PAPSS2: variants seen among roughly 807,000 people sequenced by gnomAD.
The protein encoded by PAPSS2 is 3'-phosphoadenosine 5'-phosphosulfate synthase 2, also known as bifunctional 3'-phosphoadenosine 5'-phosphosulfate synthase 2.
PAPSS2 carries 61 observed loss-of-function variants against 66.5 expected under a neutral mutation model. That is an observed-to-expected ratio of 0.92 (90% CI 0.75 to 1.14). The LOEUF is 1.14. Among genes scored for constraint, PAPSS2 ranks in the 50% most tolerant of loss-of-function variants. The pLI is 0.00. For missense variants in PAPSS2, 708 were observed against 789.6 expected (o/e 0.90, Z 1.24); for synonymous variants, 289 against 287.5 (o/e 1.01, Z -0.05).
intron 1 of PAPSS2, among the ~76,000 whole-genome samples, chr10:87,671,285 TA>T (rs1364837368): frequency 6.6e-6 from 1 of 152,224 alleles, no homozygotes; most frequent in African/African-American, 2.4e-5. Context: ...CTTTGCAGAC[TA>T]AAAGGATGAT....
intron 7 of PAPSS2, among the ~76,000 whole-genome samples, chr10:87,718,572 A>G (rs1237167399): frequency 2.0e-5 from 3 of 152,192 alleles, no homozygotes; most frequent in African/African-American, 7.2e-5. Context: ...GGAGTCCCCA[A>G]GGGGTGCGTT....
chr10:87,723,384 A>T (rs1476768125), intron 8 of PAPSS2, among the ~76,000 whole-genome samples: 1 of 152,182 alleles, frequency 6.6e-6, no homozygotes, highest in African/African-American at 2.4e-5. Flanking sequence ...TGCCCCCTGC[A>T]GCAACCCATG....
Position 87,709,192 on chromosome 10 carries a change from A to G in PAPSS2, c.28-4A>G, listed in dbSNP as rs756013362. 6 of 1,592,302 alleles carry G rather than the reference A, an allele frequency of 3.8e-6. No homozygotes were observed. Among genetic ancestry groups the G allele is most frequent in the South Asian group, 1.1e-5 (1 of 90,674 alleles). ...ACTGTGCTTGGTTTTGTCTTATTTT[A>G]TAGGAGAACCAGCAGAAATCCACCA... On this transcript the variant is annotated splice_polypyrimidine_tract_variant and splice_region_variant and intron_variant, in intron 1 of 12. Transcript: ENST00000456849.
intron 1 of PAPSS2, chr10:87,661,124 T>G: frequency 2.4e-6 from 1 of 413,560 alleles, no homozygotes; most frequent in Non-Finnish European, 4.8e-6. Context: ...GTATTTGTGG[T>G]GGGCCGGGGA....
chr10:87,671,895 T>C (rs570008128), intron 1 of PAPSS2, among the ~76,000 whole-genome samples: 22 of 152,280 alleles, frequency 1.4e-4, no homozygotes, highest in Middle Eastern at 3.4e-3. Context: ...TTGAGCATCT[T>C]CTGATTGAAG....
intron 1 of PAPSS2, among the ~76,000 whole-genome samples, chr10:87,663,211 A>G (rs10749557): frequency 0.64 from 94,837 of 148,888 alleles, 30,532 homozygotes; most frequent in East Asian, 0.92. Flanking sequence ...TCCCGAGTTC[A>G]AGCAATTCTC....
intron 1 of PAPSS2, among the ~76,000 whole-genome samples, chr10:87,707,639 G>A (rs1853410049): frequency 7.2e-6 from 1 of 138,462 alleles, no homozygotes; most frequent in Non-Finnish European, 1.5e-5. Flanking sequence ...GTGCAATCAT[G>A]GCTCACTGCA....
In PAPSS2 at chr10:87,743,595, T is replaced by A. The variant is rs1401307805; in HGVS notation, c.1445T>A (p.Ile482Asn). ...EEGVLDPKST[I>N]VAIFPSPMLY... ...GGGGTCCTGGATCCCAAGTCAACCA[T>A]TGTTGCCATCTTTCCGTCTCCCATG... The change falls in exon 11 of 13, where the codon ATT becomes AAT. Residue 482 changes from isoleucine (I) to asparagine (N), a missense_variant. By Grantham distance (149) the Ile-to-Asn change is moderately radical. Coordinates refer to ENST00000456849, the MANE Select transcript of PAPSS2 (RefSeq NM_001015880.2). 1.2e-6 allele frequency: 2 copies of A among 1,613,984 alleles called. No individual in the cohort carries two copies. The highest frequency in any genetic ancestry group is 1.7e-6 in the Non-Finnish European group (2 of 1,179,996).
intron 1 of PAPSS2, among the ~76,000 whole-genome samples, chr10:87,680,026 CAAA>C (rs58787148): frequency 3.2e-5 from 4 of 126,680 alleles, no homozygotes; most frequent in Admixed American, 8.1e-5. Context: ...GAACCTATCT[CAAA>C]AAAAAAAAAA....
chr10:87,691,621 A>T (rs1853172519), intron 1 of PAPSS2, among the ~76,000 whole-genome samples: 2 of 152,176 alleles, frequency 1.3e-5, no homozygotes, highest in South Asian at 4.1e-4. Context: ...GTCTTAAATT[A>T]GGTAAGTTTG....
intron 1 of PAPSS2, among the ~76,000 whole-genome samples, chr10:87,689,021 A>C (rs923582587): frequency 1.3e-5 from 2 of 152,056 alleles, no homozygotes; most frequent in Non-Finnish European, 2.9e-5. Flanking sequence ...AACATTATTC[A>C]CAAAGTTAAG....
At chr10:87,697,477 G>C (rs1853248887) in intron 1 of PAPSS2, among the ~76,000 whole-genome samples, 1 of 152,214 alleles carries the variant, frequency 6.6e-6, no homozygotes, top group Non-Finnish European at 1.5e-5. Context: ...AGGAGAGGTG[G>C]CTCACCTGTG....
At position 87,659,905 on chromosome 10, in the gene PAPSS2, T is replaced by TGCCGCC. The variant is rs1554860724; in HGVS notation, c.-63_-58dup. On this transcript the variant is annotated 5_prime_UTR_variant, in exon 1 of 13. Coordinates refer to ENST00000456849, the MANE Select transcript of PAPSS2 (RefSeq NM_001015880.2). ...CCGCTGCTGCTGCTGCTGCTGCTGCTGCCGCCGCCGCCGCCGCCGTCCCTG... is the reference window on the plus strand; with the variant it reads ...CCGCTGCTGCTGCTGCTGCTGCTGCTGCCGCCGCCGCCGCCGCCGCCGCCGTCCCTG... 3.7e-5 allele frequency: 52 copies of TGCCGCC among 1,423,750 alleles called. No individual in the cohort carries two copies. Among genetic ancestry groups the TGCCGCC allele is most frequent in the Middle Eastern group, 1.8e-4 (1 of 5,650 alleles). 88.2% of individuals were successfully genotyped at this position (1,423,750 alleles called of 1,614,324 possible).
At chr10:87,740,234 T>G (rs1853850516) in intron 9 of PAPSS2, among the ~76,000 whole-genome samples, 1 of 152,206 alleles carries the variant, frequency 6.6e-6, no homozygotes, top group Non-Finnish European at 1.5e-5. Context: ...ACCATAAGCT[T>G]GGCAGATTCC....
chr10:87,674,278 C>T (rs1852917224), intron 1 of PAPSS2, among the ~76,000 whole-genome samples: 1 of 152,208 alleles, frequency 6.6e-6, no homozygotes, highest in Non-Finnish European at 1.5e-5. Context: ...GATTCTCCTG[C>T]CTCAGCTCTC....
intron 8 of PAPSS2, among the ~76,000 whole-genome samples, chr10:87,725,930 G>C (rs568758977): frequency 8.9e-6 from 1 of 112,660 alleles, no homozygotes; most frequent in African/African-American, 3.7e-5. Context: ...TTTTGGTAGA[G>C]ATGAGGTCTT....
Position 87,706,108 on chromosome 10 carries a change from A to ATATATATATATATGTGTGTGTGTG in PAPSS2, c.28-3087_28-3086insATATATATATATGTGTGTGTGTGT. On this transcript the variant is annotated intron_variant, in intron 1 of 12. Coordinates refer to ENST00000456849, the MANE Select transcript of PAPSS2 (RefSeq NM_001015880.2). Reference sequence around the variant, plus strand: ...GGTATATATATATATATATATATATATGTGTGTGTGTGTGTGTGTGTGTGT... The same window carrying ATATATATATATATGTGTGTGTGTG: ...GGTATATATATATATATATATATATATATATATATATATGTGTGTGTGTGTGTGTGTGTGTGTGTGTGTGTGTGT... Among the ~76,000 whole-genome samples, 73 of 51,934 alleles carry ATATATATATATATGTGTGTGTGTG rather than the reference A, an allele frequency of 1.4e-3. 1 individual carries two copies. Among genetic ancestry groups the ATATATATATATATGTGTGTGTGTG allele is most frequent in the African/African-American group, 6.5e-3 (65 of 9,938 alleles). The allele number at this position is 51,934 out of a possible 152,430, so 34.1% of individuals were successfully genotyped here.
At chr10:87,724,940 C>A (rs1038224681) in intron 8 of PAPSS2, among the ~76,000 whole-genome samples, 1 of 150,098 alleles carries the variant, frequency 6.7e-6, no homozygotes, top group Admixed American at 6.7e-5. Flanking sequence ...TCTGGCAAGT[C>A]CGAAAACTGG....
At position 87,691,488 on chromosome 10, in the gene PAPSS2, T is replaced by TA. The variant is rs372350541; in HGVS notation, c.28-17695dup. On this transcript the variant is annotated intron_variant, in intron 1 of 12. Coordinates refer to ENST00000456849, the MANE Select transcript of PAPSS2 (RefSeq NM_001015880.2). ...AAGCATTAAAATCACTTGAGACACT[T>TA]AAAAAAAAAAAAAGGCAACAACATA... Among the ~76,000 whole-genome samples the TA allele has an allele frequency of 6.7e-4, 95 of 142,398 alleles. 1 individual carries two copies. The highest frequency in any genetic ancestry group is 2.2e-3 in the East Asian group (11 of 4,946). The allele number at this position is 142,398 out of a possible 152,430, so 93.4% of individuals were successfully genotyped here.
Sources: allele counts gnomAD v4.1 joint callset (sites outside exome capture counted in the v4.1 genomes callset), GRCh38; gene constraint gnomAD v4.1.1; transcripts MANE v1.5; gene names NCBI Gene and HGNC (gene_info 2026-07-23, HGNC 2026-07-21).